B3GLCT: variants seen among roughly 807,000 people sequenced by gnomAD.
B3GLCT encodes beta 3-glucosyltransferase.
Under a neutral mutation model 63.4 loss-of-function variants are expected in B3GLCT, and 65 were observed. The ratio of observed to expected loss-of-function variants is 1.03; its 90% CI spans 0.84 to 1.26. B3GLCT has a LOEUF of 1.26. B3GLCT is among the 50% of genes most tolerant of loss of function. The probability of loss-of-function intolerance (pLI) is 0.00; values close to 1 mark genes in which losing one functional copy is unlikely to be tolerated. For synonymous variants in B3GLCT, 233 were observed against 219.2 expected, an observed-to-expected ratio of 1.06 and a Z score of -0.55; for missense variants, 577 against 604.8, an observed-to-expected ratio of 0.95 and a Z score of 0.48.
intron 12 of B3GLCT, among the ~76,000 whole-genome samples, chr13:31,295,073 C>G (rs1873865286): frequency 6.6e-6 from 1 of 152,088 alleles, no homozygotes; most frequent in South Asian, 2.1e-4. Flanking sequence ...TCAGGCCTCT[C>G]TACTGTAGGT....
intron 2 of B3GLCT, among the ~76,000 whole-genome samples, chr13:31,218,737 T>C (rs1478242654): frequency 6.6e-6 from 1 of 152,170 alleles, no homozygotes; most frequent in Non-Finnish European, 1.5e-5. Context: ...CTATATTGAA[T>C]AGGAGTGGTG....
chr13:31,316,228 T>C (rs776298012), intron 12 of B3GLCT, among the ~76,000 whole-genome samples: 5 of 151,154 alleles, frequency 3.3e-5, no homozygotes, highest in African/African-American at 1.2e-4. Flanking sequence ...GTAAATCCAG[T>C]GACGGCTTCC....
chr13:31,232,547 C>T (rs1402277738), intron 4 of B3GLCT, among the ~76,000 whole-genome samples: 1 of 152,176 alleles, frequency 6.6e-6, no homozygotes, highest in Non-Finnish European at 1.5e-5. Flanking sequence ...CCAGTCACCT[C>T]CCTCCAGGCC....
intron 10 of B3GLCT, among the ~76,000 whole-genome samples, chr13:31,282,134 A>G (rs1873100624): frequency 6.6e-6 from 1 of 152,236 alleles, no homozygotes; most frequent in South Asian, 2.1e-4. Flanking sequence ...TTATTAAAGT[A>G]TTTTCTCAAA....
Position 31,253,618 on chromosome 13 carries a change from A to AAAAAAAAAAAAC in B3GLCT, c.459+5655_459+5656insAAAAAAAACAAA, listed in dbSNP as rs1555249042. Reference sequence around the variant, plus strand: ...CTCAAAAAAAAAAAAAAAAAAAAAAAAAACTAGAGAAGCAAGAGCAAGCAA... The same window carrying AAAAAAAAAAAAC: ...CTCAAAAAAAAAAAAAAAAAAAAAAAAAAAAAAAAAACAAACTAGAGAAGCAAGAGCAAGCAA... On this transcript the variant is annotated intron_variant, in intron 6 of 14. Transcript: ENST00000343307. Among the ~76,000 whole-genome samples the AAAAAAAAAAAAC allele has an allele frequency of 6.1e-5, 5 of 82,308 alleles. 1 individual carries two copies. Among genetic ancestry groups the AAAAAAAAAAAAC allele is most frequent in the East Asian group, 6.1e-4 (1 of 1,632 alleles). 54.0% of individuals were successfully genotyped at this position (82,308 alleles called of 152,430 possible). A position where few individuals can be genotyped will look rare whatever the true frequency, so the allele number is the denominator to read the frequency against.
At chr13:31,204,519 A>G (rs1215470529) in intron 1 of B3GLCT, among the ~76,000 whole-genome samples, 1 of 152,144 alleles carries the variant, frequency 6.6e-6, no homozygotes, top group African/African-American at 2.4e-5. Context: ...GTGGTGAAGG[A>G]GCCAAGTGGA....
intron 2 of B3GLCT, among the ~76,000 whole-genome samples, chr13:31,221,491 A>G (rs1050624359): frequency 2.6e-5 from 4 of 152,204 alleles, no homozygotes; most frequent in African/African-American, 9.7e-5. Flanking sequence ...TTCCAGATCT[A>G]CCTGTTTCAT....
intron 14 of B3GLCT, among the ~76,000 whole-genome samples, chr13:31,328,233 T>C (rs1265405099): frequency 6.6e-6 from 1 of 152,222 alleles, no homozygotes; most frequent in African/African-American, 2.4e-5. Context: ...TGAGTTTAAG[T>C]ATTCATATCA....
chr13:31,288,796 A>T (rs1015436723), intron 12 of B3GLCT, among the ~76,000 whole-genome samples: 4 of 152,194 alleles, frequency 2.6e-5, no homozygotes, highest in African/African-American at 9.7e-5. Context: ...ACAATACCAG[A>T]TATGCAGATA....
intron 10 of B3GLCT, 81 bp from the exon 11 acceptor site, chr13:31,284,567 A>G: frequency 1.2e-6 from 1 of 804,996 alleles, no homozygotes; most frequent in Non-Finnish European, 2.2e-6. Flanking sequence ...CTTCCTTTGT[A>G]GATGATTATA....
intron 6 of B3GLCT, 147 bp downstream of exon 6, chr13:31,248,113 G>A (rs1871275277): frequency 1.6e-6 from 1 of 608,720 alleles, no homozygotes; most frequent in Non-Finnish European, 2.9e-6. Context: ...TCTGAGATAT[G>A]TTAAGTAATG....
Position 31,215,093 on chromosome 13 carries a change from A to G in B3GLCT, c.113A>G (p.Gln38Arg), listed in dbSNP as rs1475591079. The change falls in exon 2 of 15, where the codon CAG becomes CGG. Residue 38 changes from glutamine to arginine, a missense_variant. By Grantham distance (43) the Gln-to-Arg change is conservative. Coordinates refer to ENST00000343307, the MANE Select transcript of B3GLCT (RefSeq NM_194318.4). ...ASEDTKKEVK[Q>R]SQDLEKSGIS... Reference sequence around the variant, plus strand: ...GAAGATACAAAGAAAGAGGTCAAGCAGTCTCAGGTACTAATCCCAATGATC... The same window carrying G: ...GAAGATACAAAGAAAGAGGTCAAGCGGTCTCAGGTACTAATCCCAATGATC... 47 of 1,611,270 alleles carry G rather than the reference A, an allele frequency of 2.9e-5. No homozygotes were observed. The highest frequency in any genetic ancestry group is 3.7e-5 in the Non-Finnish European group (44 of 1,179,618).
At chr13:31,264,891 C>T (rs944810517) in intron 7 of B3GLCT, among the ~76,000 whole-genome samples, 2 of 152,172 alleles carry the variant, frequency 1.3e-5, no homozygotes, top group African/African-American at 4.8e-5. Flanking sequence ...AATACTTTTG[C>T]TGTAATTGGG....
chr13:31,309,050 A>G (rs1874561844), intron 12 of B3GLCT, among the ~76,000 whole-genome samples: 1 of 152,132 alleles, frequency 6.6e-6, no homozygotes, highest in East Asian at 1.9e-4. Flanking sequence ...CTCCATCTCT[A>G]AATTCCATTG....
chr13:31,328,809 A>G (rs1875769749), intron 14 of B3GLCT, among the ~76,000 whole-genome samples: 2 of 151,886 alleles, frequency 1.3e-5, no homozygotes, highest in Admixed American at 6.6e-5. Context: ...TACTTCTTCA[A>G]TCTTATTCTA....
intron 2 of B3GLCT, among the ~76,000 whole-genome samples, chr13:31,219,839 G>A (rs964417774): frequency 6.6e-6 from 1 of 152,180 alleles, no homozygotes; most frequent in African/African-American, 2.4e-5. Flanking sequence ...AACTGCTTTT[G>A]TCTGTTACAT....
intron 12 of B3GLCT, among the ~76,000 whole-genome samples, chr13:31,300,557 G>T (rs1197348083): frequency 2.0e-5 from 3 of 152,138 alleles, no homozygotes; most frequent in Non-Finnish European, 2.9e-5. Context: ...GCTAGGGAAT[G>T]GTTACTGCTG....
At chr13:31,284,098 T>TA (rs932765558) in intron 10 of B3GLCT, among the ~76,000 whole-genome samples, 3 of 152,226 alleles carry the variant, frequency 2.0e-5, no homozygotes, top group African/African-American at 4.8e-5. Flanking sequence ...CTGCTAATGA[T>TA]AGAGTTTTAA....
rs1486863700 is a variant in B3GLCT, at chr13:31,286,825, G to A, written c.1064+6G>A. On this transcript the variant is annotated splice_donor_region_variant and intron_variant, in intron 12 of 14. Transcript: ENST00000343307. ...GATGATGATACATTAATAAGGTAAG[G>A]AGTCATTCTCATCCTAAATGGCTTT... is the stretch of plus-strand genomic sequence containing the variant. 3 of 1,583,934 alleles carry A rather than the reference G, an allele frequency of 1.9e-6. No homozygotes were observed. Among genetic ancestry groups the A allele is most frequent in the African/African-American group, 2.7e-5 (2 of 74,290 alleles).
Sources: gnomAD v4.1 joint callset for allele counts (sites outside exome capture counted in the v4.1 genomes callset) on GRCh38, gnomAD v4.1.1 for gene constraint, MANE v1.5 for transcripts, NCBI Gene and HGNC (gene_info 2026-07-23, HGNC 2026-07-21) for gene names.